UNKL: variants seen among roughly 807,000 people sequenced by gnomAD.
UNKL encodes the protein putative E3 ubiquitin-protein ligase UNKL.
In UNKL, 60 loss-of-function variants were observed where a neutral mutation model predicts 78.0. The ratio of observed to expected loss-of-function variants is 0.77; its 90% CI spans 0.63 to 0.95. The LOEUF (loss-of-function observed/expected upper bound fraction) is 0.95. Ranked by LOEUF, UNKL falls within the 40% of genes least tolerant of loss-of-function variation. The pLI is 0.00. For missense variants in UNKL, 1,159 were observed against 1,045.7 expected (o/e 1.11, Z -1.49); for synonymous variants, 608 against 474.8 (o/e 1.28, Z -3.65).
chr16:1,390,624 G>T lies in UNKL; in HGVS notation c.1086+8C>A. 1 of 1,535,954 alleles carries T rather than the reference G, an allele frequency of 6.5e-7. No homozygotes were observed. The highest frequency in any genetic ancestry group is 8.7e-7 in the Non-Finnish European group (1 of 1,146,836). On this transcript the variant is annotated splice_region_variant and intron_variant, in intron 9 of 14. Transcript: ENST00000389221. Reference sequence around the variant, plus strand: ...GGCACGAGGGTGGGAAACCTTGGGGGCCTGTACCTGCTTGCTGTCTTGCTC... The same window carrying T: ...GGCACGAGGGTGGGAAACCTTGGGGTCCTGTACCTGCTTGCTGTCTTGCTC...
intron 9 of UNKL, among the ~76,000 whole-genome samples, chr16:1,386,176 A>C (rs1160936717): frequency 6.6e-6 from 1 of 152,216 alleles, no homozygotes; most frequent in Non-Finnish European, 1.5e-5. Context: ...TGGGAGGCCA[A>C]GGTGGGCAGA....
Position 1,394,077 on chromosome 16 carries a change from C to T in UNKL, c.937+54G>A, listed in dbSNP as rs2037159343. The T allele has an allele frequency of 4.6e-6, 7 of 1,526,150 alleles. No homozygotes were observed. The Admixed American group carries it at 1.4e-4, about 30-fold the overall frequency. The allele number at this position is 1,526,150 out of a possible 1,614,324, so 94.5% of individuals were successfully genotyped here. A position where few individuals can be genotyped will look rare whatever the true frequency, so the allele number is the denominator to read the frequency against. On this transcript the variant is annotated intron_variant, in intron 7 of 14. Coordinates refer to ENST00000389221, the MANE Select transcript of UNKL (RefSeq NM_001372107.1). ...GGTCATCGGTAACTCCAGTGAGGGC[C>T]TGCAGAGCCGCGGAACCTGCTAAGG...
chr16:1,413,767 G>GA, intron 2 of UNKL, 79 bp downstream of exon 2: 2 of 1,426,738 alleles, frequency 1.4e-6, no homozygotes, highest in Non-Finnish European at 1.9e-6. Flanking sequence ...TAAGGCGTCC[G>GA]CTGAGGGTCC....
rs1211318480 is a variant in UNKL, at chr16:1,364,151, GAGCTAATAA to G, written c.*2080_*2088del. 1.1e-4 allele frequency: 16 copies of G among 152,328 alleles called. 1 individual carries two copies. The highest frequency in any genetic ancestry group is 2.6e-4 in the Admixed American group (4 of 15,306). The allele number at this position is 152,328 out of a possible 1,614,324, so 9.4% of individuals were successfully genotyped here. On this transcript the variant is annotated 3_prime_UTR_variant, in exon 15 of 15. Transcript: ENST00000389221. ...AAAATATACGTAATTTCTAGATACT[GAGCTAATAA>G]ATCACTGTAGTTAAAAACAAAATAG...
intron 2 of UNKL, among the ~76,000 whole-genome samples, chr16:1,411,698 G>A (rs896475170): frequency 6.6e-6 from 1 of 151,864 alleles, no homozygotes; most frequent in Non-Finnish European, 1.5e-5. Flanking sequence ...GGTGGCACGC[G>A]CCTGTAATCC....
intron 10 of UNKL, among the ~76,000 whole-genome samples, chr16:1,380,374 C>A (rs2036555455): frequency 6.6e-6 from 1 of 152,214 alleles, no homozygotes; most frequent in East Asian, 1.9e-4. Context: ...GGCGGGCCTA[C>A]ACCTGGGGCC....
Position 1,363,253 on chromosome 16 carries a change from T to C in UNKL, c.*2987A>G, listed in dbSNP as rs2034976575. 1.4e-6 allele frequency: 1 copy of C among 690,896 alleles called. No individual in the cohort carries two copies. Among genetic ancestry groups the C allele is most frequent in the Admixed American group, 2.2e-5 (1 of 44,850 alleles). 42.8% of individuals were successfully genotyped at this position (690,896 alleles called of 1,614,324 possible). A position where few individuals can be genotyped will look rare whatever the true frequency, so the allele number is the denominator to read the frequency against. ...TCCCATACTGATAAAAATAACTCCATGAATTCTGTAAACCATTGCATAAAT... is the reference window on the plus strand; with the variant it reads ...TCCCATACTGATAAAAATAACTCCACGAATTCTGTAAACCATTGCATAAAT... On this transcript the variant is annotated 3_prime_UTR_variant, in exon 15 of 15. Coordinates refer to ENST00000389221, the MANE Select transcript of UNKL (RefSeq NM_001372107.1).
intron 10 of UNKL, among the ~76,000 whole-genome samples, chr16:1,384,925 T>C (rs2036750259): frequency 6.6e-6 from 1 of 152,104 alleles, no homozygotes; most frequent in Admixed American, 6.5e-5. Context: ...CTCCCCGTTC[T>C]CAGTCCCTGA....
intron 2 of UNKL, among the ~76,000 whole-genome samples, chr16:1,409,363 C>T (rs2037930789): frequency 6.6e-6 from 1 of 151,772 alleles, no homozygotes; most frequent in Non-Finnish European, 1.5e-5. Flanking sequence ...CTTTGTTCAG[C>T]GATGAGAAAG....
rs754345963 is a variant in UNKL at position 1,395,806 on chromosome 16, C to G, written c.852+1372G>C. On this transcript the variant is annotated intron_variant, in intron 6 of 14. Coordinates refer to ENST00000389221, the MANE Select transcript of UNKL (RefSeq NM_001372107.1). ...AACGCCCCGGACACCGGACTCCCGA[C>G]AGGCCCCTGGTGACACCATTGAGTG... 6.6e-6 allele frequency: 3 copies of G among 455,296 alleles called. No homozygotes were observed. The East Asian group carries it at 2.1e-4, about 32-fold the overall frequency. 28.2% of individuals were successfully genotyped at this position (455,296 alleles called of 1,614,324 possible). A position where few individuals can be genotyped will look rare whatever the true frequency, so the allele number is the denominator to read the frequency against.
intron 2 of UNKL, among the ~76,000 whole-genome samples, chr16:1,413,291 G>A (rs1029777718): frequency 6.9e-6 from 1 of 144,494 alleles, no homozygotes; most frequent in South Asian, 2.2e-4. Flanking sequence ...AAGTGGGGCC[G>A]GGTACGGTGG....
Position 1,370,369 on chromosome 16 carries a change from G to T in UNKL, c.1358-12C>A. 1 of 1,531,594 alleles carries T rather than the reference G, an allele frequency of 6.5e-7. No individual in the cohort carries two copies. 94.9% of individuals were successfully genotyped at this position (1,531,594 alleles called of 1,614,324 possible). A position where few individuals can be genotyped will look rare whatever the true frequency, so the allele number is the denominator to read the frequency against. ...CAGCGACCTGGGACCTGGCGGGGGCGGACCAGTCAGCGAAGGGAGTACCGC... is the reference window on the plus strand; with the variant it reads ...CAGCGACCTGGGACCTGGCGGGGGCTGACCAGTCAGCGAAGGGAGTACCGC... On this transcript the variant is annotated splice_polypyrimidine_tract_variant and intron_variant, in intron 11 of 14. Coordinates refer to ENST00000389221, the MANE Select transcript of UNKL (RefSeq NM_001372107.1).
rs1350489153 is a variant in UNKL, at chr16:1,414,683, C to G, written c.9G>C (p.Ser3=). MP[S]VSKAAAAALS... ...GCGCCGCTGCCGCCGCTTTCGAAACCGACGGCATTTTCAGTCAAAACAATG... is the reference window on the plus strand; with the variant it reads ...GCGCCGCTGCCGCCGCTTTCGAAACGGACGGCATTTTCAGTCAAAACAATG... The change falls in exon 1 of 15, where the codon TCG becomes TCC. Residue 3 remains serine (S), a synonymous_variant. Coordinates refer to ENST00000389221, the MANE Select transcript of UNKL (RefSeq NM_001372107.1). The G allele has an allele frequency of 1.7e-5, 20 of 1,146,746 alleles. No homozygotes were observed. The highest frequency in any genetic ancestry group is 4.5e-5 in the South Asian group (2 of 44,412). 71.0% of individuals were successfully genotyped at this position (1,146,746 alleles called of 1,614,324 possible). A position where few individuals can be genotyped will look rare whatever the true frequency, so the allele number is the denominator to read the frequency against.
At chr16:1,393,013 C>G in intron 7 of UNKL, 37 bp from the exon 8 acceptor site, 2 of 1,546,054 alleles carry the variant, frequency 1.3e-6, no homozygotes, top group African/African-American at 1.4e-5. Context: ...CTGAGGGCCG[C>G]TGGTGGGCGA....
rs142983294 is a variant in UNKL, at chr16:1,398,462, C to A, written c.734+912G>T. On this transcript the variant is annotated intron_variant, in intron 5 of 14. Coordinates refer to ENST00000389221, the MANE Select transcript of UNKL (RefSeq NM_001372107.1). ...TCTACAGCCGTTCAGGTCCTTTACT[C>A]GGAAGCTGCTCAGAGGGAGACTGAA... 17 of 1,149,136 alleles carry A rather than the reference C, an allele frequency of 1.5e-5. No homozygotes were observed. The East Asian group carries it at 1.1e-3, about 72-fold the overall frequency. The allele number at this position is 1,149,136 out of a possible 1,614,324, so 71.2% of individuals were successfully genotyped here.
At chr16:1,373,894 A>T (rs1416914961) in intron 10 of UNKL, among the ~76,000 whole-genome samples, 2 of 536 alleles carry the variant, frequency 3.7e-3, no homozygotes, top group African/African-American at 0.015. Context: ...ACTGCCGGCC[A>T]ACACCGCACA....
At chr16:1,398,544 C>CTTCCCAAA in intron 5 of UNKL, 3 of 1,346,944 alleles carry the variant, frequency 2.2e-6, no homozygotes, top group Non-Finnish European at 1.9e-6. Context: ...AGGTGCTCTC[C>CTTCCCAAA]GGGGCATGCG....
At chr16:1,385,530 G>A (rs2036779126) in intron 9 of UNKL, 145 bp from the exon 10 acceptor site, 1 of 810,402 alleles carries the variant, frequency 1.2e-6, no homozygotes, top group African/African-American at 1.8e-5. Flanking sequence ...AGACCCGGAG[G>A]GACTCTGACC....
At position 1,366,193 on chromosome 16, in the gene UNKL, G is replaced by C. The variant is rs765326686; in HGVS notation, c.*47C>G. Reference sequence around the variant, plus strand: ...GACGACATGTCCGTGGTCAGGAGGAGCGCTGGAGCCAGGGTGCCCAGCAGG... The same window carrying C: ...GACGACATGTCCGTGGTCAGGAGGACCGCTGGAGCCAGGGTGCCCAGCAGG... On this transcript the variant is annotated 3_prime_UTR_variant, in exon 15 of 15. Coordinates refer to ENST00000389221, the MANE Select transcript of UNKL (RefSeq NM_001372107.1). 6 of 1,455,498 alleles carry C rather than the reference G, an allele frequency of 4.1e-6. No homozygotes were observed. In the South Asian group the frequency reaches 5.5e-5, roughly 13 times the overall value. The allele number at this position is 1,455,498 out of a possible 1,614,324, so 90.2% of individuals were successfully genotyped here. A position where few individuals can be genotyped will look rare whatever the true frequency, so the allele number is the denominator to read the frequency against.
Sources: allele counts gnomAD v4.1 joint callset (sites outside exome capture counted in the v4.1 genomes callset), GRCh38; gene constraint gnomAD v4.1.1; transcripts MANE v1.5; gene names NCBI Gene and HGNC (gene_info 2026-07-23, HGNC 2026-07-21).